The following EHBP1 variants were observed in gnomAD, a reference collection of about 807,000 sequenced individuals.
The protein encoded by EHBP1 is EH domain binding protein 1, also known as EH domain-binding protein 1.
Under a neutral mutation model 144.0 loss-of-function variants are expected in EHBP1, and 55 were observed. The ratio of observed to expected loss-of-function variants is 0.38; its 90% confidence interval spans 0.31 to 0.48. The LOEUF (loss-of-function observed/expected upper bound fraction) is 0.48, where lower values mean the gene tolerates loss of function less well. Ranked by LOEUF, EHBP1 falls within the 20% of genes least tolerant of loss-of-function variation. EHBP1 has a pLI of 0.98. For synonymous variants in EHBP1, 469 were observed against 472.7 expected (o/e 0.99, Z 0.10); for missense variants, 1,200 against 1,364.2 (o/e 0.88, Z 1.90).
chr2:62,984,264 A>G (rs544852951), intron 15 of EHBP1, among the ~76,000 whole-genome samples: 48 of 152,278 alleles, frequency 3.2e-4, no homozygotes, highest in African/African-American at 1.2e-3. Flanking sequence ...GTTTCATTCA[A>G]TTTATCTATA....
rs2034500856 is a variant in EHBP1, at chr2:62,705,864, A to AG, written c.-480dup. ...ATCTGTCAGGGAGGGGGTGGGCGTG[A>AG]GGGGCGCCGTCCGCCTGAGGGGCTG... On this transcript the variant is annotated 5_prime_UTR_variant, in exon 1 of 23. Coordinates refer to ENST00000431489, the MANE Select transcript of EHBP1 (RefSeq NM_001142616.3). 7.4e-6 allele frequency: 1 copy of AG among 135,716 alleles called. No individual in the cohort carries two copies. Among genetic ancestry groups the AG allele is most frequent in the African/African-American group, 2.9e-5 (1 of 34,208 alleles). The allele number at this position is 135,716 out of a possible 1,614,324, so 8.4% of individuals were successfully genotyped here. A position where few individuals can be genotyped will look rare whatever the true frequency, so the allele number is the denominator to read the frequency against.
chr2:62,752,278 T>C (rs907722059), intron 3 of EHBP1, among the ~76,000 whole-genome samples: 62 of 152,202 alleles, frequency 4.1e-4, no homozygotes, highest in Non-Finnish European at 7.6e-4. Context: ...TCAGTTTCCA[T>C]GTAGTTGAGC....
intron 2 of EHBP1, among the ~76,000 whole-genome samples, chr2:62,709,983 AG>A (rs1296832465): frequency 6.6e-6 from 1 of 152,152 alleles, no homozygotes; most frequent in African/African-American, 2.4e-5. Flanking sequence ...TGGAGATGAT[AG>A]GGGTTTATAC....
intron 8 of EHBP1, among the ~76,000 whole-genome samples, chr2:62,862,220 A>T (rs2049620110): frequency 6.6e-6 from 1 of 152,166 alleles, no homozygotes; most frequent in Non-Finnish European, 1.5e-5. Flanking sequence ...ACAGACTTTC[A>T]GCTCAGAATT....
upstream of EHBP1, among the ~76,000 whole-genome samples, chr2:62,704,651 C>T (rs2034393906): frequency 6.6e-6 from 1 of 152,162 alleles, no homozygotes; most frequent in African/African-American, 2.4e-5. Flanking sequence ...GTCTCTTTCC[C>T]ATTTTACTCT....
At chr2:62,823,238 G>A (rs112436421) in intron 5 of EHBP1, among the ~76,000 whole-genome samples, 28 of 152,128 alleles carry the variant, frequency 1.8e-4, no homozygotes, top group South Asian at 1.0e-3. Context: ...AACTAATTTC[G>A]AAAATACTGC....
chr2:62,911,919 A>T (rs1171336613), intron 10 of EHBP1, among the ~76,000 whole-genome samples: 1 of 152,210 alleles, frequency 6.6e-6, no homozygotes, highest in East Asian at 1.9e-4. Context: ...TTTCAATGAG[A>T]ATACTTTAAA....
At chr2:62,986,995 T>A (rs1479337724) in intron 15 of EHBP1, among the ~76,000 whole-genome samples, 1 of 152,034 alleles carries the variant, frequency 6.6e-6, no homozygotes, top group African/African-American at 2.4e-5. Context: ...TGAAAAAAAA[T>A]GAGTTGCAGG....
In EHBP1 at chr2:62,993,533, G is replaced by A. The variant is rs1476405741; in HGVS notation, c.2737G>A (p.Gly913Ser). The change falls in exon 17 of 23, where the codon GGC becomes AGC. Residue 913 changes from glycine (G) to serine (S), a missense_variant. This residue lies in a region of EHBP1 where 543 missense variants were observed against 513.1 expected (regional missense o/e 1.06). Coordinates refer to ENST00000431489, the MANE Select transcript of EHBP1 (RefSeq NM_001142616.3). ...TESSEQDMKSGTEDLRTERLQ... is the reference protein window; with the variant it reads ...TESSEQDMKSSTEDLRTERLQ... ...CCATGTGTTGTTTTACGTTTAGAGTGGCACAGAAGATCTCCGGACTGAACG... is the reference window on the plus strand; with the variant it reads ...CCATGTGTTGTTTTACGTTTAGAGTAGCACAGAAGATCTCCGGACTGAACG... 4.4e-6 allele frequency: 7 copies of A among 1,579,306 alleles called. 1 individual carries two copies. In the Admixed American group the frequency reaches 6.9e-5, roughly 16 times the overall value.
chr2:62,976,016 T>C (rs2153188173), intron 14 of EHBP1, among the ~76,000 whole-genome samples: 1 of 152,240 alleles, frequency 6.6e-6, no homozygotes, highest in Non-Finnish European at 1.5e-5. Flanking sequence ...TACAAAATAA[T>C]TCTTTTCCTT....
intron 7 of EHBP1, among the ~76,000 whole-genome samples, chr2:62,841,062 T>G (rs1460712888): frequency 3.9e-5 from 6 of 152,076 alleles, no homozygotes; most frequent in Admixed American, 3.9e-4. Context: ...GCGGCATTAT[T>G]CACAATAGCA....
intron 1 of EHBP1, among the ~76,000 whole-genome samples, chr2:62,691,465 C>T (rs994870132): frequency 1.3e-5 from 2 of 152,120 alleles, no homozygotes; most frequent in African/African-American, 4.8e-5. Flanking sequence ...GGCACATAGC[C>T]ATATCTGGTT....
chr2:62,688,443 T>G (rs1390701643), intron 1 of EHBP1, among the ~76,000 whole-genome samples: 1 of 152,164 alleles, frequency 6.6e-6, no homozygotes, highest in East Asian at 1.9e-4. Context: ...TCAGGGTAAT[T>G]CACTATTATC....
chr2:62,683,804 T>C (rs2033622539), intron 1 of EHBP1, among the ~76,000 whole-genome samples: 1 of 151,402 alleles, frequency 6.6e-6, no homozygotes, highest in African/African-American at 2.4e-5. Context: ...GCTCAAGAAA[T>C]GTGGTGACAC....
At chr2:62,739,259 C>T (rs2038454154) in intron 2 of EHBP1, among the ~76,000 whole-genome samples, 1 of 152,140 alleles carries the variant, frequency 6.6e-6, no homozygotes, top group Non-Finnish European at 1.5e-5. Context: ...TCTTGAGACC[C>T]TTAAGGTCAG....
At chr2:62,878,420 T>C (rs185500713) in intron 10 of EHBP1, among the ~76,000 whole-genome samples, 23 of 152,108 alleles carry the variant, frequency 1.5e-4, no homozygotes, top group African/African-American at 4.3e-4. Flanking sequence ...CTACTGAAAC[T>C]TTCCAAAAAA....
rs1330735875 is a variant in EHBP1, at chr2:62,874,515, C to T, written c.1168C>T (p.Leu390Phe). The stretch of plus-strand genomic sequence containing the variant: ...AAACACAGTTTCTGCAGGAAAAGAT[C>T]TCTCTACTTCTCCTAAGGTAGGATT... ...NENTVSAGKDLSTSPKPSPIP... is the reference protein window; with the variant it reads ...NENTVSAGKDFSTSPKPSPIP... Residue 390 changes from leucine (L) to phenylalanine (F), a missense_variant, in exon 10 of 23, where the codon CTC becomes TTC. Transcript: ENST00000431489. The T allele has an allele frequency of 4.4e-6, 7 of 1,599,984 alleles. No individual in the cohort carries two copies. Among genetic ancestry groups the T allele is most frequent in the Non-Finnish European group, 6.0e-6 (7 of 1,174,000 alleles).
chr2:62,785,430 T>A (rs2042736285), intron 5 of EHBP1, among the ~76,000 whole-genome samples: 1 of 152,098 alleles, frequency 6.6e-6, no homozygotes, highest in Admixed American at 6.6e-5. Context: ...TTCAGAAGTG[T>A]GTAGAAGGTA....
intron 2 of EHBP1, among the ~76,000 whole-genome samples, chr2:62,713,253 CTTTTT>C (rs36061722): frequency 1.5e-5 from 2 of 136,672 alleles, no homozygotes; most frequent in Non-Finnish European, 3.2e-5. Context: ...GTGCTAAACT[CTTTTT>C]TTTTTTTTTT....
Sources: allele counts gnomAD v4.1 joint callset (sites outside exome capture counted in the v4.1 genomes callset), GRCh38; gene constraint gnomAD v4.1.1; regional missense constraint gnomAD v4.1.1; transcripts MANE v1.5; gene names NCBI Gene and HGNC (gene_info 2026-07-23, HGNC 2026-07-21).